The following SCFD2 variants were observed in gnomAD, a reference collection of about 807,000 sequenced individuals.
The protein encoded by SCFD2 is sec1 family domain containing 2, also known as sec1 family domain-containing protein 2.
A neutral mutation model predicts 58.9 loss-of-function variants in SCFD2; 54 were observed. The ratio of observed to expected loss-of-function variants is 0.92; its 90% CI spans 0.74 to 1.15. The LOEUF (loss-of-function observed/expected upper bound fraction) is 1.15, where lower values mean the gene tolerates loss of function less well. SCFD2 is among the 50% of genes most tolerant of loss of function. SCFD2 has a pLI of 0.00. For synonymous variants in SCFD2, 321 were observed against 335.9 expected (o/e 0.96, Z 0.49); for missense variants, 805 against 836.6 (o/e 0.96, Z 0.47).
chr4:52,994,181 GCT>G (rs1721688603), intron 5 of SCFD2, among the ~76,000 whole-genome samples: 1 of 152,250 alleles, frequency 6.6e-6, no homozygotes, highest in South Asian at 2.1e-4. Context: ...TCCTGAGGGA[GCT>G]CAAGCATTCT....
chr4:53,056,426 T>C (rs1723341714), intron 5 of SCFD2, among the ~76,000 whole-genome samples: 1 of 152,220 alleles, frequency 6.6e-6, no homozygotes, highest in African/African-American at 2.4e-5. Context: ...TGTATATGTT[T>C]TGCCTCTCAA....
intron 5 of SCFD2, among the ~76,000 whole-genome samples, chr4:53,132,326 T>C (rs1418263686): frequency 6.6e-6 from 1 of 152,232 alleles, no homozygotes; most frequent in East Asian, 1.9e-4. Flanking sequence ...TGGGAGTGAT[T>C]TTGGCAGACA....
chr4:53,254,835 AT>A (rs201239297), intron 4 of SCFD2, among the ~76,000 whole-genome samples: 2 of 136,654 alleles, frequency 1.5e-5, no homozygotes, highest in African/African-American at 6.0e-5. Flanking sequence ...ATTTTATTTT[AT>A]TTTATTTTAT....
chr4:53,053,389 T>G (rs1227535676), intron 5 of SCFD2, among the ~76,000 whole-genome samples: 1 of 152,092 alleles, frequency 6.6e-6, no homozygotes, highest in African/African-American at 2.4e-5. Flanking sequence ...GGCTGTAAAC[T>G]TATGTTTTGT....
At chr4:52,904,841 G>A (rs1016525407) in intron 7 of SCFD2, among the ~76,000 whole-genome samples, 1 of 152,206 alleles carries the variant, frequency 6.6e-6, no homozygotes, top group Non-Finnish European at 1.5e-5. Flanking sequence ...TATTTCCTGT[G>A]TGCTCTTAGG....
At chr4:53,078,452 A>T (rs1724046159) in intron 5 of SCFD2, among the ~76,000 whole-genome samples, 1 of 152,220 alleles carries the variant, frequency 6.6e-6, no homozygotes, top group African/African-American at 2.4e-5. Context: ...TTTCACTTTG[A>T]CAAAGACACA....
intron 5 of SCFD2, among the ~76,000 whole-genome samples, chr4:53,050,895 T>C (rs1723171866): frequency 6.6e-6 from 1 of 152,154 alleles, no homozygotes; most frequent in African/African-American, 2.4e-5. Flanking sequence ...GTCTCCCCAT[T>C]TCCTGTCGTC....
intron 8 of SCFD2, among the ~76,000 whole-genome samples, chr4:52,882,140 C>T (rs943407843): frequency 3.9e-5 from 6 of 152,134 alleles, no homozygotes; most frequent in South Asian, 2.1e-4. Flanking sequence ...GCTGCAACAT[C>T]GTCAGGGGAT....
chr4:53,053,573 G>T (rs577493342), intron 5 of SCFD2, among the ~76,000 whole-genome samples: 2 of 151,978 alleles, frequency 1.3e-5, no homozygotes, highest in Non-Finnish European at 2.9e-5. Context: ...AACTCCTGAC[G>T]CTCAGCACTT....
At chr4:53,207,108 C>A (rs771965783) in intron 4 of SCFD2, among the ~76,000 whole-genome samples, 1 of 151,804 alleles carries the variant, frequency 6.6e-6, no homozygotes, top group African/African-American at 2.4e-5. Context: ...TTATAACAAC[C>A]TACTGTCTAG....
intron 4 of SCFD2, among the ~76,000 whole-genome samples, chr4:53,249,252 G>C (rs1374554390): frequency 6.6e-6 from 1 of 152,182 alleles, no homozygotes; most frequent in East Asian, 1.9e-4. Context: ...GGGAAGTTTA[G>C]AGAAAAAAGA....
chr4:53,239,566 C>T (rs370120335), intron 4 of SCFD2, among the ~76,000 whole-genome samples: 7 of 152,188 alleles, frequency 4.6e-5, no homozygotes, highest in East Asian at 3.9e-4. Context: ...CTCACCGCAA[C>T]CTCTGCCTCC....
chr4:53,169,465 C>T (rs1444601777), intron 4 of SCFD2, among the ~76,000 whole-genome samples: 2 of 152,174 alleles, frequency 1.3e-5, no homozygotes, highest in Non-Finnish European at 2.9e-5. Context: ...AACATGCAGG[C>T]TGATTCCATA....
At chr4:53,192,448 G>T (rs561772639) in intron 4 of SCFD2, among the ~76,000 whole-genome samples, 1 of 152,168 alleles carries the variant, frequency 6.6e-6, no homozygotes, top group Non-Finnish European at 1.5e-5. Flanking sequence ...AAATTTTCTA[G>T]GGGAAACTGA....
At chr4:53,158,189 C>A (rs1212327331) in intron 4 of SCFD2, among the ~76,000 whole-genome samples, 3 of 152,176 alleles carry the variant, frequency 2.0e-5, no homozygotes, top group African/African-American at 7.2e-5. Flanking sequence ...GACCATCCAA[C>A]TATTTCTAGA....
At chr4:53,015,376 G>C (rs1722186297) in intron 5 of SCFD2, among the ~76,000 whole-genome samples, 1 of 152,134 alleles carries the variant, frequency 6.6e-6, no homozygotes, top group Non-Finnish European at 1.5e-5. Context: ...ACAAAGGTAA[G>C]ACAGCAGCTC....
At chr4:53,148,311 T>A (rs555455321) in intron 4 of SCFD2, among the ~76,000 whole-genome samples, 2 of 152,328 alleles carry the variant, frequency 1.3e-5, no homozygotes, top group Admixed American at 1.3e-4. Flanking sequence ...TGCAAGAGAA[T>A]AAAATCTCTC....
chr4:53,024,907 TA>T (rs1031830884), intron 5 of SCFD2, among the ~76,000 whole-genome samples: 4 of 152,154 alleles, frequency 2.6e-5, no homozygotes, highest in Non-Finnish European at 5.9e-5. Flanking sequence ...ACACAGCTTC[TA>T]AACCCCTCTT....
intron 4 of SCFD2, among the ~76,000 whole-genome samples, chr4:53,237,250 G>C (rs1440819411): frequency 6.7e-6 from 1 of 149,254 alleles, no homozygotes; most frequent in South Asian, 2.1e-4. Flanking sequence ...TTTCTACACA[G>C]ACACGGCAAC....
Sources: allele counts gnomAD v4.1 joint callset (sites outside exome capture counted in the v4.1 genomes callset), GRCh38; gene constraint gnomAD v4.1.1; transcripts MANE v1.5; gene names NCBI Gene and HGNC (gene_info 2026-07-23, HGNC 2026-07-21).